Variants in CTDSPL2 observed in about 807,000 individuals in gnomAD.
CTDSPL2 encodes the protein CTD small phosphatase-like protein 2.
A neutral mutation model predicts 60.0 loss-of-function variants in CTDSPL2; 5 were observed. That is an observed-to-expected ratio of 0.08 (90% CI 0.04 to 0.18). CTDSPL2 has a LOEUF of 0.18. Ranked by LOEUF, CTDSPL2 falls within the 10% of genes least tolerant of loss-of-function variation. CTDSPL2 has a pLI of 1.00. For synonymous variants in CTDSPL2, 186 were observed against 189.3 expected (o/e 0.98, Z 0.14); for missense variants, 370 against 548.8 (o/e 0.67, Z 3.26).
At chr15:44,467,089 C>G (rs1044599310) in intron 2 of CTDSPL2, among the ~76,000 whole-genome samples, 1 of 152,166 alleles carries the variant, frequency 6.6e-6, no homozygotes, top group Non-Finnish European at 1.5e-5. Flanking sequence ...GACCACTGTT[C>G]TATATGTGGT....
intron 6 of CTDSPL2, 111 bp downstream of exon 6, chr15:44,496,569 G>A: frequency 1.2e-6 from 1 of 803,866 alleles, no homozygotes; most frequent in Non-Finnish European, 2.0e-6. Context: ...TGACCTGTAG[G>A]TATTTGAAAC....
intron 1 of CTDSPL2, among the ~76,000 whole-genome samples, chr15:44,440,316 C>T (rs2080058752): frequency 6.6e-6 from 1 of 151,726 alleles, no homozygotes; most frequent in South Asian, 2.1e-4. Context: ...CTGCCTCAGC[C>T]TCCGGAGTAG....
chr15:44,444,760 TA>T (rs1296887357), intron 1 of CTDSPL2, among the ~76,000 whole-genome samples: 4 of 149,666 alleles, frequency 2.7e-5, no homozygotes, highest in Middle Eastern at 3.4e-3. Context: ...CGTTTAGATA[TA>T]TAGTTTTCCC....
chr15:44,518,261 A>G (rs2081694091), intron 10 of CTDSPL2, among the ~76,000 whole-genome samples: 1 of 152,218 alleles, frequency 6.6e-6, no homozygotes, highest in South Asian at 2.1e-4. Flanking sequence ...TACAGAATAG[A>G]GTACTTCAAG....
intron 12 of CTDSPL2, among the ~76,000 whole-genome samples, chr15:44,523,048 G>A (rs2555350): frequency 0.019 from 2,886 of 152,128 alleles, 50 homozygotes; most frequent in Non-Finnish European, 0.029. Context: ...CCAGGCTGGA[G>A]TGCAGTGGCG....
chr15:44,445,707 G>A (rs142893739), intron 1 of CTDSPL2, among the ~76,000 whole-genome samples: 1 of 150,052 alleles, frequency 6.7e-6, no homozygotes, highest in African/African-American at 2.5e-5. Context: ...GCACGATCTT[G>A]GCTTACTGCA....
chr15:44,467,633 G>A (rs927100320), intron 2 of CTDSPL2, among the ~76,000 whole-genome samples: 2 of 151,986 alleles, frequency 1.3e-5, no homozygotes, highest in African/African-American at 4.8e-5. Flanking sequence ...GAGTACAGTG[G>A]TGCGATCTCA....
chr15:44,438,257 C>T (rs1414249789), intron 1 of CTDSPL2, among the ~76,000 whole-genome samples: 1 of 145,684 alleles, frequency 6.9e-6, no homozygotes, highest in African/African-American at 2.5e-5. Context: ...GAGCGAGACT[C>T]CGTCTCAAAA....
intron 8 of CTDSPL2, 93 bp downstream of exon 8, chr15:44,499,906 ATG>A (rs1368086987): frequency 1.4e-6 from 1 of 694,940 alleles, no homozygotes; most frequent in African/African-American, 1.8e-5. Flanking sequence ...GTGACATTAA[ATG>A]TGTTTTTCTG....
chr15:44,527,367 A>G lies in CTDSPL2; in HGVS notation c.*3193A>G, dbSNP rs192786867. 68 of 152,380 alleles carry G rather than the reference A, an allele frequency of 4.5e-4. No homozygotes were observed. The highest frequency in any genetic ancestry group is 1.5e-3 in the African/African-American group (62 of 41,542). 9.4% of individuals were successfully genotyped at this position (152,380 alleles called of 1,614,324 possible). Reference sequence around the variant, plus strand: ...TTCATCTAGATCTTACTTTCATTCAACCTTCTAAAGAAGTTCGTTTCTCAT... The same window carrying G: ...TTCATCTAGATCTTACTTTCATTCAGCCTTCTAAAGAAGTTCGTTTCTCAT... On this transcript the variant is annotated 3_prime_UTR_variant, in exon 13 of 13. Transcript: ENST00000260327.
intron 8 of CTDSPL2, among the ~76,000 whole-genome samples, chr15:44,512,798 A>G (rs1431328735): frequency 6.6e-6 from 1 of 152,140 alleles, no homozygotes; most frequent in African/African-American, 2.4e-5. Context: ...GATCATCAAG[A>G]CTGATAGGAT....
intron 1 of CTDSPL2, among the ~76,000 whole-genome samples, chr15:44,445,139 C>T (rs935995248): frequency 6.0e-5 from 9 of 150,404 alleles, no homozygotes; most frequent in Non-Finnish European, 7.4e-5. Flanking sequence ...CCACCCCGCC[C>T]GGCTGTAGTT....
In CTDSPL2 at chr15:44,488,780, T is replaced by C. The variant is rs2081165576; in HGVS notation, c.476-2004T>C. Among the ~76,000 whole-genome samples, 3 of 151,880 alleles carry C rather than the reference T, an allele frequency of 2.0e-5. No homozygotes were observed. The South Asian group carries it at 6.2e-4, about 32-fold the overall frequency. On this transcript the variant is annotated intron_variant, in intron 4 of 12. Coordinates refer to ENST00000260327, the MANE Select transcript of CTDSPL2 (RefSeq NM_016396.3). The stretch of plus-strand genomic sequence containing the variant: ...GTTGCAGTGAGCTGAGATCGCACCA[T>C]TGCACTCCAGCCTGGGCAACAAGAG...
intron 2 of CTDSPL2, among the ~76,000 whole-genome samples, chr15:44,471,443 A>T (rs2080807654): frequency 6.6e-6 from 1 of 152,188 alleles, no homozygotes; most frequent in Non-Finnish European, 1.5e-5. Flanking sequence ...TGATATAAAA[A>T]GCTGTACTTA....
intron 8 of CTDSPL2, among the ~76,000 whole-genome samples, chr15:44,504,835 G>A (rs1339503791): frequency 6.6e-6 from 1 of 152,126 alleles, no homozygotes; most frequent in Non-Finnish European, 1.5e-5. Context: ...GGTCATAGTT[G>A]CATAGTATAG....
Position 44,484,500 on chromosome 15 carries a change from C to T in CTDSPL2, c.325+138C>T, listed in dbSNP as rs186661855. 17 of 787,264 alleles carry T rather than the reference C, an allele frequency of 2.2e-5. No individual in the cohort carries two copies. In the East Asian group the frequency reaches 2.3e-4, roughly 10 times the overall value. The allele number at this position is 787,264 out of a possible 1,614,324, so 48.8% of individuals were successfully genotyped here. The stretch of plus-strand genomic sequence containing the variant: ...CTGTAATCCTCACATTTTGGGAGGC[C>T]GAGGTCGGCGGATCATTTGAGGCCA... On this transcript the variant is annotated intron_variant, in intron 3 of 12. Coordinates refer to ENST00000260327, the MANE Select transcript of CTDSPL2 (RefSeq NM_016396.3).
chr15:44,515,212 A>G (rs963847283), intron 10 of CTDSPL2, among the ~76,000 whole-genome samples: 56 of 152,336 alleles, frequency 3.7e-4, no homozygotes, highest in African/African-American at 1.3e-3. Context: ...TGGCATAGAG[A>G]AATAAAAATT....
chr15:44,516,058 C>T (rs1469744122), intron 10 of CTDSPL2, among the ~76,000 whole-genome samples: 6 of 146,770 alleles, frequency 4.1e-5, no homozygotes, highest in Non-Finnish European at 7.4e-5. Flanking sequence ...TCTCTGCCTT[C>T]TGAGTTTAAA....
intron 1 of CTDSPL2, among the ~76,000 whole-genome samples, chr15:44,455,085 T>TATC (rs1335565613): frequency 6.6e-6 from 1 of 152,156 alleles, no homozygotes; most frequent in Non-Finnish European, 1.5e-5. Flanking sequence ...CATTTGTTTG[T>TATC]GTCTTTTATT....
Sources: gnomAD v4.1 joint callset for allele counts (sites outside exome capture counted in the v4.1 genomes callset) on GRCh38, gnomAD v4.1.1 for gene constraint, MANE v1.5 for transcripts, NCBI Gene and HGNC (gene_info 2026-07-23, HGNC 2026-07-21) for gene names.